Variants in GLYAT observed in about 807,000 individuals in gnomAD.
The protein encoded by GLYAT is glycine-N-acyltransferase, also known as glycine N-acyltransferase.
GLYAT carries 25 observed loss-of-function variants against 22.8 expected under a neutral mutation model. That is an observed-to-expected ratio of 1.09 (90% CI 0.80 to 1.53). The LOEUF is 1.53. Among genes scored for constraint, GLYAT ranks in the 40% most tolerant of loss-of-function variants. The probability of loss-of-function intolerance (pLI) is 0.00; values close to 1 mark genes in which losing one functional copy is unlikely to be tolerated. For missense variants in GLYAT, 411 were observed against 353.9 expected, an observed-to-expected ratio of 1.16 and a Z score of -1.29; for synonymous variants, 140 against 122.7, an observed-to-expected ratio of 1.14 and a Z score of -0.93.
intron 4 of GLYAT, among the ~76,000 whole-genome samples, chr11:58,712,119 G>T (rs536758645): frequency 2.0e-5 from 3 of 152,332 alleles, no homozygotes; most frequent in South Asian, 2.1e-4. Context: ...GCCTTGCAAA[G>T]CTCAGCCCAA....
At chr11:58,728,153 C>T (rs1856829413) in intron 1 of GLYAT, among the ~76,000 whole-genome samples, 1 of 149,638 alleles carries the variant, frequency 6.7e-6, no homozygotes. Context: ...ACCTCCACCT[C>T]CCAGGTTCAA....
At chr11:58,722,977 C>T (rs1260234830) in intron 2 of GLYAT, among the ~76,000 whole-genome samples, 4 of 151,976 alleles carry the variant, frequency 2.6e-5, no homozygotes, top group Admixed American at 1.3e-4. Context: ...AGGAGGAATG[C>T]TATTTCCTCA....
At chr11:58,710,800 A>G (rs762979342) in intron 4 of GLYAT, 39 bp from the exon 5 acceptor site, 2 of 1,247,670 alleles carry the variant, frequency 1.6e-6, no homozygotes, top group South Asian at 2.4e-5. Context: ...TGGTTTAGGT[A>G]TATTCTAGAC....
chr11:58,711,736 G>A (rs779957797), intron 4 of GLYAT, among the ~76,000 whole-genome samples: 1 of 152,082 alleles, frequency 6.6e-6, no homozygotes, highest in Non-Finnish European at 1.5e-5. Context: ...ATATCTCCTG[G>A]AATCCATTCC....
At chr11:58,711,897 A>T (rs1856620848) in intron 4 of GLYAT, among the ~76,000 whole-genome samples, 1 of 152,220 alleles carries the variant, frequency 6.6e-6, no homozygotes, top group African/African-American at 2.4e-5. Flanking sequence ...AAGACCAATT[A>T]TGTTAAGACC....
In GLYAT at chr11:58,709,566, C is replaced by T. The variant is rs1565053108; in HGVS notation, c.*200G>A. On this transcript the variant is annotated 3_prime_UTR_variant, in exon 6 of 6. Transcript: ENST00000344743. ...TTGCTTATGTCAAATGTAAGAGGACCTGGGCCTGCTTCCCACTGAGAAACC... is the reference window on the plus strand; with the variant it reads ...TTGCTTATGTCAAATGTAAGAGGACTTGGGCCTGCTTCCCACTGAGAAACC... The T allele has an allele frequency of 3.8e-6, 2 of 530,196 alleles. No homozygotes were observed. Among genetic ancestry groups the T allele is most frequent in the Non-Finnish European group, 6.6e-6 (2 of 305,150 alleles). The allele number at this position is 530,196 out of a possible 1,614,324, so 32.8% of individuals were successfully genotyped here.
rs959099348 is a variant in GLYAT at position 58,709,211 on chromosome 11, C to T, written c.*555G>A. ...CATCAGTTGATATTTCTTCTAGTAA[C>T]ATTCCCTGCTATATCATGTATACTG... On this transcript the variant is annotated 3_prime_UTR_variant, in exon 6 of 6. Transcript: ENST00000344743. 3.3e-5 allele frequency: 5 copies of T among 152,200 alleles called. No homozygotes were observed. Among genetic ancestry groups the T allele is most frequent in the Non-Finnish European group, 5.9e-5 (4 of 68,058 alleles). The allele number at this position is 152,200 out of a possible 1,614,324, so 9.4% of individuals were successfully genotyped here.
chr11:58,721,151 C>CT (rs1052859766), intron 2 of GLYAT, among the ~76,000 whole-genome samples: 10 of 151,096 alleles, frequency 6.6e-5, no homozygotes, highest in Non-Finnish European at 8.9e-5. Context: ...GATCACCCCA[C>CT]TTTTTTTTTC....
intron 3 of GLYAT, among the ~76,000 whole-genome samples, chr11:58,714,273 G>A (rs1856652243): frequency 6.6e-6 from 1 of 152,124 alleles, no homozygotes; most frequent in South Asian, 2.1e-4. Flanking sequence ...GGTGACTATA[G>A]TTAATAACAA....
At chr11:58,715,991 G>T (rs1028991383) in intron 2 of GLYAT, among the ~76,000 whole-genome samples, 6 of 152,114 alleles carry the variant, frequency 3.9e-5, no homozygotes, top group Admixed American at 1.3e-4. Flanking sequence ...CTTTAGCATT[G>T]TTTCCATATA....
At chr11:58,713,050 T>C (rs188806455) in intron 3 of GLYAT, among the ~76,000 whole-genome samples, 164 bp from the exon 4 acceptor site, 283 of 152,278 alleles carry the variant, frequency 1.9e-3, no homozygotes, top group Non-Finnish European at 3.5e-3. Context: ...AAATGTGTAA[T>C]ATTTTGTTAT....
chr11:58,714,580 G>A (rs1856656380), intron 3 of GLYAT, among the ~76,000 whole-genome samples: 1 of 152,140 alleles, frequency 6.6e-6, no homozygotes. Context: ...ATCCCCACGT[G>A]TAATGAGAGG....
intron 2 of GLYAT, among the ~76,000 whole-genome samples, chr11:58,723,927 T>C (rs1938701): frequency 0.73 from 110,997 of 151,862 alleles, 41,231 homozygotes; most frequent in Middle Eastern, 0.88. Flanking sequence ...GAAATTTACA[T>C]TAAAATAGAA....
At chr11:58,721,299 G>A (rs1363992211) in intron 2 of GLYAT, among the ~76,000 whole-genome samples, 2 of 151,794 alleles carry the variant, frequency 1.3e-5, no homozygotes, top group African/African-American at 4.8e-5. Context: ...AAGGTACAGA[G>A]AGAAAAAGTC....
chr11:58,713,667 A>T (rs191131095), intron 3 of GLYAT, among the ~76,000 whole-genome samples: 6 of 152,256 alleles, frequency 3.9e-5, no homozygotes, highest in African/African-American at 1.4e-4. Flanking sequence ...TAAATGACAG[A>T]TACAATTATT....
chr11:58,709,360 G>T lies in GLYAT; in HGVS notation c.*406C>A. 1 of 99,948 alleles carries T rather than the reference G, an allele frequency of 1.0e-5. No individual in the cohort carries two copies. Among genetic ancestry groups the T allele is most frequent in the Non-Finnish European group, 2.3e-5 (1 of 43,314 alleles). 6.2% of individuals were successfully genotyped at this position (99,948 alleles called of 1,614,324 possible). On this transcript the variant is annotated 3_prime_UTR_variant, in exon 6 of 6. Coordinates refer to ENST00000344743, the MANE Select transcript of GLYAT (RefSeq NM_201648.3). ...GGAGAGTCCACTTGTTGATCATAAG[G>T]GAAAGGCTTTAGAAAGAAAGAAGTC...
Position 58,710,319 on chromosome 11 carries a change from A to G in GLYAT, c.489-151T>C, listed in dbSNP as rs1856597877. 10 of 1,288,338 alleles carry G rather than the reference A, an allele frequency of 7.8e-6. 1 individual carries two copies. The South Asian group carries it at 1.6e-4, about 21-fold the overall frequency. The allele number at this position is 1,288,338 out of a possible 1,614,324, so 79.8% of individuals were successfully genotyped here. On this transcript the variant is annotated intron_variant, in intron 5 of 5. Coordinates refer to ENST00000344743, the MANE Select transcript of GLYAT (RefSeq NM_201648.3). ...TGAGCTTGTGATGAAAGAGGAACAG[A>G]GTGAAGGTCAGAGCTGTTGGAGGAA...
intron 3 of GLYAT, among the ~76,000 whole-genome samples, chr11:58,714,697 C>T (rs2507841): frequency 0.06 from 9,119 of 152,120 alleles, 615 homozygotes; most frequent in African/African-American, 0.16. Flanking sequence ...TCCCCATTTG[C>T]TTGACTGTCA....
chr11:58,721,146 C>A (rs142951797), intron 2 of GLYAT, among the ~76,000 whole-genome samples: 1 of 151,716 alleles, frequency 6.6e-6, no homozygotes, highest in Non-Finnish European at 1.5e-5. Context: ...ATAAAGATCA[C>A]CCCACTTTTT....
Sources: allele counts gnomAD v4.1 joint callset (sites outside exome capture counted in the v4.1 genomes callset), GRCh38; gene constraint gnomAD v4.1.1; transcripts MANE v1.5; gene names NCBI Gene and HGNC (gene_info 2026-07-23, HGNC 2026-07-21).